Variants in RBM47 observed in about 807,000 individuals in gnomAD.
RBM47 encodes RNA-binding protein 47.
In RBM47, 21 loss-of-function variants were observed where a neutral mutation model predicts 47.1. The observed-to-expected ratio is 0.45, with a 90% CI of 0.32 to 0.64. The LOEUF is 0.64. RBM47 is among the 30% of genes least tolerant of loss of function. The pLI is 0.05. For missense variants in RBM47, 708 were observed against 870.9 expected (o/e 0.81, Z 2.35); for synonymous variants, 375 against 361.7 (o/e 1.04, Z -0.42).
intron 1 of RBM47, among the ~76,000 whole-genome samples, chr4:40,545,775 T>A (rs1446430290): frequency 6.6e-6 from 1 of 152,240 alleles, no homozygotes; most frequent in East Asian, 1.9e-4. Flanking sequence ...CTCACAGGTT[T>A]GACCAGGTGC....
intron 6 of RBM47, chr4:40,426,894 C>T (rs567044506): frequency 2.0e-5 from 3 of 152,298 alleles, no homozygotes; most frequent in Admixed American, 1.3e-4. Flanking sequence ...GTCTATGCCC[C>T]AGAGTGAGCT....
chr4:40,513,252 T>C (rs1030287960), intron 2 of RBM47, among the ~76,000 whole-genome samples: 4 of 152,224 alleles, frequency 2.6e-5, no homozygotes, highest in African/African-American at 4.8e-5. Flanking sequence ...GCAAGCGTCA[T>C]TGGGCAAAAA....
At chr4:40,463,061 G>C (rs929216914) in intron 3 of RBM47, among the ~76,000 whole-genome samples, 7 of 152,174 alleles carry the variant, frequency 4.6e-5, no homozygotes, top group African/African-American at 1.7e-4. Flanking sequence ...ATAAGGAATT[G>C]ATATTCAGAA....
At position 40,484,475 on chromosome 4, in the gene RBM47, C is replaced by A. The variant is rs564876556; in HGVS notation, c.-154-17776G>T. ...GTTTCCTAGCTGACACCTTTCCCTG[C>A]TAACCATCCTGAAAGCAGTAGGATG... On this transcript the variant is annotated intron_variant, in intron 2 of 6. Coordinates refer to ENST00000295971, the MANE Select transcript of RBM47 (RefSeq NM_001098634.2). 2.6e-5 allele frequency among the ~76,000 whole-genome samples: 4 copies of A among 152,150 alleles called. No individual in the cohort carries two copies. In the East Asian group the frequency reaches 7.7e-4, roughly 29 times the overall value.
intron 5 of RBM47, among the ~76,000 whole-genome samples, chr4:40,434,347 C>A (rs954237994): frequency 2.0e-5 from 3 of 152,060 alleles, no homozygotes; most frequent in African/African-American, 4.8e-5. Flanking sequence ...AGACGCCAAT[C>A]GATGGGGCCC....
intron 2 of RBM47, among the ~76,000 whole-genome samples, chr4:40,541,679 A>C (rs1728560018): frequency 6.6e-6 from 1 of 152,112 alleles, no homozygotes; most frequent in Non-Finnish European, 1.5e-5. Flanking sequence ...CGGAGGTTGC[A>C]ATGAGCCGAG....
At position 40,587,409 on chromosome 4, in the gene RBM47, A is replaced by C. The variant is rs567851186; in HGVS notation, c.-240+41987T>G. Among the ~76,000 whole-genome samples, 3 of 152,294 alleles carry C rather than the reference A, an allele frequency of 2.0e-5. No homozygotes were observed. In the South Asian group the frequency reaches 6.2e-4, roughly 32 times the overall value. ...CCACCCTCACTTTCCCTCAGTCTCCAAACATCTATCCATTCAATAAACATT... is the reference window on the plus strand; with the variant it reads ...CCACCCTCACTTTCCCTCAGTCTCCCAACATCTATCCATTCAATAAACATT... On this transcript the variant is annotated intron_variant, in intron 1 of 6. Transcript: ENST00000295971.
intron 3 of RBM47, among the ~76,000 whole-genome samples, chr4:40,442,482 A>G (rs556153949): frequency 2.6e-5 from 4 of 152,352 alleles, no homozygotes; most frequent in African/African-American, 9.6e-5. Flanking sequence ...AAAAAATTAA[A>G]CATAGAATTA....
At chr4:40,624,122 G>T (rs951640392) in intron 1 of RBM47, among the ~76,000 whole-genome samples, 1 of 152,200 alleles carries the variant, frequency 6.6e-6, no homozygotes, top group Non-Finnish European at 1.5e-5. Context: ...AAAGTGCTGG[G>T]ATTACGGTGT....
intron 2 of RBM47, among the ~76,000 whole-genome samples, chr4:40,526,231 C>T (rs767031303): frequency 5.3e-5 from 8 of 152,158 alleles, no homozygotes; most frequent in Non-Finnish European, 8.8e-5. Flanking sequence ...TTTCAGAACA[C>T]GGGATCCTGC....
At chr4:40,481,481 TTA>T (rs1420088646) in intron 2 of RBM47, among the ~76,000 whole-genome samples, 4,144 of 121,412 alleles carry the variant, frequency 0.034, 163 homozygotes, top group African/African-American at 0.095. Flanking sequence ...ATTATTATTA[TTA>T]TTATTTTTAT....
chr4:40,604,905 C>T (rs577734990), intron 1 of RBM47, among the ~76,000 whole-genome samples: 26 of 152,178 alleles, frequency 1.7e-4, no homozygotes, highest in African/African-American at 5.5e-4. Flanking sequence ...TTAGTAGAGA[C>T]GGGGTTTCAC....
Position 40,535,546 on chromosome 4 carries a change from A to AT in RBM47, c.-155+8875dup, listed in dbSNP as rs11290276. On this transcript the variant is annotated intron_variant, in intron 2 of 6. Transcript: ENST00000295971. ...ACCACCACGTCTGGCTAATTTTTGT[A>AT]TTTTTTTTTTTCGTTTTTGTTTTTG... Among the ~76,000 whole-genome samples, 707 of 126,954 alleles carry AT rather than the reference A, an allele frequency of 5.6e-3. 5 individuals are homozygous for AT. The highest frequency in any genetic ancestry group is 0.028 in the Middle Eastern group (7 of 246). The allele number at this position is 126,954 out of a possible 152,430, so 83.3% of individuals were successfully genotyped here.
intron 2 of RBM47, among the ~76,000 whole-genome samples, chr4:40,488,550 G>A (rs1721440469): frequency 6.6e-6 from 1 of 152,066 alleles, no homozygotes; most frequent in Non-Finnish European, 1.5e-5. Context: ...GCCGGCAATT[G>A]GTCTGAGAAA....
Position 40,539,739 on chromosome 4 carries a change from CAAAAAAAAAAAAA to C in RBM47, c.-155+4670_-155+4682del, listed in dbSNP as rs56005602. Reference sequence around the variant, plus strand: ...TGGGCGACAGAGCAAGACTCTGTCTCAAAAAAAAAAAAAAAAAAAAAAAAAAAAAAGATATATC... The same window carrying C: ...TGGGCGACAGAGCAAGACTCTGTCTCAAAAAAAAAAAAAAAAAGATATATC... On this transcript the variant is annotated intron_variant, in intron 2 of 6. Coordinates refer to ENST00000295971, the MANE Select transcript of RBM47 (RefSeq NM_001098634.2). Among the ~76,000 whole-genome samples, 39 of 56,334 alleles carry C rather than the reference CAAAAAAAAAAAAA, an allele frequency of 6.9e-4. No homozygotes were observed. The Middle Eastern group carries it at 0.039, about 57-fold the overall frequency. The allele number at this position is 56,334 out of a possible 152,430, so 37.0% of individuals were successfully genotyped here.
At chr4:40,447,909 G>T (rs1249054894) in intron 3 of RBM47, among the ~76,000 whole-genome samples, 2 of 152,236 alleles carry the variant, frequency 1.3e-5, no homozygotes, top group African/African-American at 4.8e-5. Context: ...TACTCTGGAG[G>T]CCGAGGCAGG....
intron 1 of RBM47, among the ~76,000 whole-genome samples, chr4:40,590,829 G>A (rs780408698): frequency 6.6e-6 from 1 of 152,190 alleles, no homozygotes; most frequent in Non-Finnish European, 1.5e-5. Flanking sequence ...TTGAGATGGA[G>A]TCTCGCACTG....
Position 40,516,127 on chromosome 4 carries a change from G to A in RBM47, c.-155+28295C>T, listed in dbSNP as rs1725540375. 2.0e-5 allele frequency among the ~76,000 whole-genome samples: 3 copies of A among 151,358 alleles called. No individual in the cohort carries two copies. In the South Asian group the frequency reaches 6.3e-4, roughly 32 times the overall value. ...GCCCTCTATCACAGTGAGCTGACCC[G>A]CCTCCTAACGCCTCATCCGGGCCTC... On this transcript the variant is annotated intron_variant, in intron 2 of 6. Transcript: ENST00000295971.
chr4:40,535,874 TC>T (rs1271027711), intron 2 of RBM47, among the ~76,000 whole-genome samples: 2 of 151,996 alleles, frequency 1.3e-5, no homozygotes, highest in Non-Finnish European at 2.9e-5. Context: ...ATATTTTTTT[TC>T]CCCCTCATAG....
Sources: allele counts gnomAD v4.1 joint callset (sites outside exome capture counted in the v4.1 genomes callset), GRCh38; gene constraint gnomAD v4.1.1; transcripts MANE v1.5; gene names NCBI Gene and HGNC (gene_info 2026-07-23, HGNC 2026-07-21).